Variants in GRM7 observed in about 807,000 individuals in gnomAD.
GRM7 encodes the protein glutamate metabotropic receptor 7.
In GRM7, 35 loss-of-function variants were observed where a neutral mutation model predicts 84.5. The ratio of observed to expected loss-of-function variants is 0.41; its 90% CI spans 0.32 to 0.55. The LOEUF is 0.55. Ranked by LOEUF, GRM7 falls within the 20% of genes least tolerant of loss-of-function variation. The pLI is 0.19. For missense variants in GRM7, 1,003 were observed against 1,194.6 expected (o/e 0.84, Z 2.36); for synonymous variants, 487 against 455.1 (o/e 1.07, Z -0.89).
At chr3:7,335,719 G>A (rs1701391661) in intron 4 of GRM7, among the ~76,000 whole-genome samples, 2 of 151,984 alleles carry the variant, frequency 1.3e-5, no homozygotes, top group South Asian at 2.1e-4. Flanking sequence ...AATGAAATGG[G>A]AGGTATTACA....
At chr3:7,301,504 T>C (rs1700000140) in intron 3 of GRM7, among the ~76,000 whole-genome samples, 1 of 152,174 alleles carries the variant, frequency 6.6e-6, no homozygotes, top group Non-Finnish European at 1.5e-5. Context: ...TGTTTGTTTT[T>C]AAATAGATTG....
At chr3:7,594,483 G>T (rs1421954679) in intron 8 of GRM7, among the ~76,000 whole-genome samples, 1 of 152,102 alleles carries the variant, frequency 6.6e-6, no homozygotes, top group Non-Finnish European at 1.5e-5. Context: ...TTAACCATGT[G>T]CCCAGGTTAG....
chr3:7,034,525 G>A (rs1006503), intron 1 of GRM7, among the ~76,000 whole-genome samples: 63,543 of 151,926 alleles, frequency 0.42, 14,218 homozygotes, highest in South Asian at 0.57. Context: ...TTGTGTATAT[G>A]TACATACATA....
intron 7 of GRM7, among the ~76,000 whole-genome samples, chr3:7,494,735 C>T (rs1393379173): frequency 2.0e-5 from 3 of 152,136 alleles, no homozygotes; most frequent in Non-Finnish European, 4.4e-5. Context: ...TGAGCCCATC[C>T]AGCCAATATT....
At chr3:7,144,849 A>G (rs1465953421) in intron 1 of GRM7, among the ~76,000 whole-genome samples, 1 of 152,218 alleles carries the variant, frequency 6.6e-6, no homozygotes, top group Admixed American at 6.5e-5. Context: ...ATCAGGAGAC[A>G]TGCAGGCTTT....
chr3:6,996,004 C>A (rs546520797), intron 1 of GRM7, among the ~76,000 whole-genome samples: 1 of 152,272 alleles, frequency 6.6e-6, no homozygotes, highest in South Asian at 2.1e-4. Context: ...ACGCATCCAG[C>A]CATACATATG....
chr3:7,350,213 GA>G (rs1005421721), intron 4 of GRM7, among the ~76,000 whole-genome samples: 1 of 152,024 alleles, frequency 6.6e-6, no homozygotes, highest in Non-Finnish European at 1.5e-5. Context: ...AAATTACTGA[GA>G]AAAAGTTTTT....
intron 8 of GRM7, among the ~76,000 whole-genome samples, chr3:7,632,575 G>A (rs1697905004): frequency 1.3e-5 from 2 of 152,184 alleles, no homozygotes; most frequent in African/African-American, 4.8e-5. Context: ...TCTGTAAAAT[G>A]AAGATCAAAA....
intron 8 of GRM7, among the ~76,000 whole-genome samples, chr3:7,583,943 G>T (rs1465286730): frequency 1.3e-5 from 2 of 152,134 alleles, no homozygotes; most frequent in Admixed American, 6.6e-5. Context: ...GGTCAATGTA[G>T]GTCTTCAAAC....
intron 2 of GRM7, among the ~76,000 whole-genome samples, chr3:7,268,640 G>C (rs1221943699): frequency 6.6e-6 from 1 of 152,124 alleles, no homozygotes; most frequent in Non-Finnish European, 1.5e-5. Flanking sequence ...GGGCTTTGTA[G>C]AGAGAAAAGG....
intron 1 of GRM7, among the ~76,000 whole-genome samples, chr3:6,976,581 A>G (rs1160293484): frequency 6.6e-6 from 1 of 152,164 alleles, no homozygotes; most frequent in Non-Finnish European, 1.5e-5. Context: ...TTGAGCACCA[A>G]TTCTTAAAAC....
At chr3:7,644,869 G>A (rs368754771) in intron 8 of GRM7, among the ~76,000 whole-genome samples, 3 of 152,182 alleles carry the variant, frequency 2.0e-5, no homozygotes, top group East Asian at 3.9e-4. Context: ...CCATTTCCAG[G>A]TCAGGACCAG....
At chr3:7,123,000 A>T (rs939755337) in intron 1 of GRM7, among the ~76,000 whole-genome samples, 1 of 152,226 alleles carries the variant, frequency 6.6e-6, no homozygotes, top group Non-Finnish European at 1.5e-5. Context: ...GTTGAGACAC[A>T]TATGAAAATT....
At chr3:7,525,024 C>G (rs1700736390) in intron 7 of GRM7, among the ~76,000 whole-genome samples, 1 of 149,616 alleles carries the variant, frequency 6.7e-6, no homozygotes, top group African/African-American at 2.5e-5. Flanking sequence ...AACAAAAAAC[C>G]AAACACCACA....
chr3:7,337,197 G>A (rs1272466060), intron 4 of GRM7, among the ~76,000 whole-genome samples: 1 of 152,068 alleles, frequency 6.6e-6, no homozygotes, highest in Non-Finnish European at 1.5e-5. Context: ...AATGGTGCTG[G>A]GATAATTGGC....
At chr3:7,497,113 G>A (rs1258951873) in intron 7 of GRM7, among the ~76,000 whole-genome samples, 1 of 140,704 alleles carries the variant, frequency 7.1e-6, no homozygotes, top group East Asian at 2.0e-4. Context: ...TTGTGGCCAT[G>A]TCTAGCATGG....
chr3:7,206,814 CTTA>C (rs1301814751), intron 2 of GRM7, among the ~76,000 whole-genome samples: 2 of 152,230 alleles, frequency 1.3e-5, no homozygotes, highest in Admixed American at 1.3e-4. Flanking sequence ...TCAGCCTTCC[CTTA>C]TTATTCGACG....
intron 1 of GRM7, among the ~76,000 whole-genome samples, chr3:6,994,389 T>C (rs1259632464): frequency 6.6e-6 from 1 of 152,206 alleles, no homozygotes; most frequent in Non-Finnish European, 1.5e-5. Context: ...GAAACAATTC[T>C]CTTACTGTCA....
rs796758179 is a variant in GRM7, at chr3:6,861,246, C to G, written c.-143C>G. 4.6e-6 allele frequency: 3 copies of G among 657,676 alleles called. No homozygotes were observed. In the African/African-American group the frequency reaches 5.8e-5, roughly 13 times the overall value. 40.7% of individuals were successfully genotyped at this position (657,676 alleles called of 1,614,324 possible). A position where few individuals can be genotyped will look rare whatever the true frequency, so the allele number is the denominator to read the frequency against. On this transcript the variant is annotated 5_prime_UTR_variant, in exon 1 of 10. Coordinates refer to ENST00000357716, the MANE Select transcript of GRM7 (RefSeq NM_000844.4). This position sits in a 1 kb window ranked among gnomAD's most constrained non-coding sequence, Gnocchi z 6.4. ...GGGACCCCTCACCCTCTCTGGTCGCCCCTCCCCGGATTCCCCCACCCTCCG... is the reference window on the plus strand; with the variant it reads ...GGGACCCCTCACCCTCTCTGGTCGCGCCTCCCCGGATTCCCCCACCCTCCG...
Sources: allele counts gnomAD v4.1 joint callset (sites outside exome capture counted in the v4.1 genomes callset), GRCh38; gene constraint gnomAD v4.1.1; non-coding constraint Gnocchi (gnomAD v3.1); transcripts MANE v1.5; gene names NCBI Gene and HGNC (gene_info 2026-07-23, HGNC 2026-07-21).